The following SPG11 variants were observed in gnomAD, a reference collection of about 807,000 sequenced individuals.
The protein encoded by SPG11 is spatacsin.
SPG11 carries 222 observed loss-of-function variants against 274.0 expected under a neutral mutation model. The observed-to-expected ratio is 0.81, with a 90% CI of 0.73 to 0.91. The LOEUF is 0.91. Ranked by LOEUF, SPG11 falls within the 40% of genes least tolerant of loss-of-function variation. SPG11 has a pLI of 0.00. For synonymous variants in SPG11, 1,144 were observed against 1,039.7 expected, an observed-to-expected ratio of 1.10 and a Z score of -1.93; for missense variants, 3,114 against 2,872.7, an observed-to-expected ratio of 1.08 and a Z score of -1.92.
At chr15:44,646,538 C>T (rs576102319) in intron 7 of SPG11, among the ~76,000 whole-genome samples, 37 of 152,160 alleles carry the variant, frequency 2.4e-4, no homozygotes, top group Admixed American at 2.4e-3. Context: ...TCCCTTGACA[C>T]ATGGGGATTA....
chr15:44,591,337 C>G (rs941515369), intron 27 of SPG11, among the ~76,000 whole-genome samples: 3 of 152,198 alleles, frequency 2.0e-5, no homozygotes, highest in African/African-American at 7.2e-5. Context: ...TATAATACTT[C>G]TATTCTTTTT....
chr15:44,601,863 C>G (rs1471471898), intron 20 of SPG11, among the ~76,000 whole-genome samples: 2 of 151,952 alleles, frequency 1.3e-5, no homozygotes, highest in Non-Finnish European at 2.9e-5. Context: ...CTGTGTCCAG[C>G]CAGCCACCGC....
At chr15:44,601,139 T>C (rs1352017474) in intron 20 of SPG11, among the ~76,000 whole-genome samples, 1 of 151,982 alleles carries the variant, frequency 6.6e-6, no homozygotes, top group Non-Finnish European at 1.5e-5. Context: ...GCAACAAGAG[T>C]GAAACTTCAT....
intron 4 of SPG11, among the ~76,000 whole-genome samples, chr15:44,654,798 T>C (rs551639670): frequency 2.2e-3 from 333 of 151,920 alleles, no homozygotes; most frequent in Non-Finnish European, 4.0e-3. Flanking sequence ...ATTGCACCAT[T>C]GCGCTCCATC....
intron 2 of SPG11, 83 bp downstream of exon 2, chr15:44,660,349 C>T (rs2085067657): frequency 1.2e-5 from 16 of 1,309,966 alleles, no homozygotes; most frequent in Non-Finnish European, 5.5e-6. Context: ...CTGATTTCAC[C>T]TCTATGACTT....
intron 20 of SPG11, among the ~76,000 whole-genome samples, chr15:44,605,294 C>T (rs1311620189): frequency 6.6e-6 from 1 of 152,148 alleles, no homozygotes. Context: ...ATGCATTGGA[C>T]TCTGGGCACG....
In SPG11 at chr15:44,626,458, G is replaced by C; in HGVS notation, c.2117C>G (p.Thr706Ser). ...AGAATGACTATCAATCCTGAAGAAAGTCTGTGCCTCTGGTATTTTGTTGTT... is the reference window on the plus strand; with the variant it reads ...AGAATGACTATCAATCCTGAAGAAACTCTGTGCCTCTGGTATTTTGTTGTT... ...ILNNKIPEAQ[T>S]FFRIDSHSAQ... Residue 706 changes from threonine to serine, a missense_variant, in exon 11 of 40, where the codon ACT (threonine) becomes AGT (serine). Thr to Ser is a moderately conservative substitution (Grantham distance 58, BLOSUM62 1). Transcript: ENST00000261866. 6.2e-7 allele frequency: 1 copy of C among 1,613,998 alleles called. No individual in the cohort carries two copies. Among genetic ancestry groups the C allele is most frequent in the Non-Finnish European group, 8.5e-7 (1 of 1,179,960 alleles).
rs766696581 is a variant in SPG11 at position 44,622,347 on chromosome 15, C to G, written c.2317G>C (p.Val773Leu). The change falls in exon 13 of 40, where the codon GTT becomes CTT. Residue 773 changes from valine to leucine, a missense_variant and splice_region_variant. Physicochemically the swap from Val to Leu is conservative, Grantham distance 32. Coordinates refer to ENST00000261866, the MANE Select transcript of SPG11 (RefSeq NM_025137.4). ...TAATTTTTTTCTTTTAAAATTTCAA[C>G]CTTGAATAAAAAGTAATTAAAGCAG... ...TTNKNIRDFL[V>L]EILKEKNYFS... is the part of the protein sequence containing the mutation. 1.3e-6 allele frequency: 2 copies of G among 1,546,342 alleles called. No homozygotes were observed. The highest frequency in any genetic ancestry group is 1.8e-6 in the Non-Finnish European group (2 of 1,131,112).
At position 44,586,994 on chromosome 15, in the gene SPG11, CCTAA is replaced by C. The variant is rs373512616; in HGVS notation, c.4907-1148_4907-1145del. On this transcript the variant is annotated intron_variant, in intron 28 of 39. Coordinates refer to ENST00000261866, the MANE Select transcript of SPG11 (RefSeq NM_025137.4). ...AATTTATCTACTTAACCCAGGGAGA[CCTAA>C]CTGAGCTCCTCCTGATGTCCCTTGG... Among the ~76,000 whole-genome samples the C allele has an allele frequency of 2.5e-4, 38 of 152,312 alleles. 1 individual carries two copies. The highest frequency in any genetic ancestry group is 8.9e-4 in the African/African-American group (37 of 41,568).
rs756692226 is a variant in SPG11, at chr15:44,584,222, G to A, written c.5458C>T (p.Pro1820Ser). 6.2e-7 allele frequency: 1 copy of A among 1,614,174 alleles called. No homozygotes were observed. The highest frequency in any genetic ancestry group is 8.5e-7 in the Non-Finnish European group (1 of 1,180,034). ...TLGRNQEETE[P>S]RFSRQISTSG... ...GTTGAGATCTGTCGAGAAAATCTGG[G>A]CTCTGTTTCCTCCTGATTTCTTCCA... Residue 1820 changes from proline (P) to serine (S), a missense_variant, in exon 30 of 40, where the codon CCC (proline) becomes TCC (serine). Pro to Ser is a moderately conservative substitution (Grantham distance 74). Transcript: ENST00000261866.
In SPG11 at chr15:44,606,064, A is replaced by T. The variant is rs1403713938; in HGVS notation, c.3481T>A (p.Leu1161Met). 1 of 1,613,700 alleles carries T rather than the reference A, an allele frequency of 6.2e-7. No individual in the cohort carries two copies. The highest frequency in any genetic ancestry group is 1.7e-5 in the Admixed American group (1 of 60,004). ...GTGTTAGCAGACTGCCAGCCAAACA[A>T]TCTGCTAGGATCAAAGGGTGATAAT... Reference protein sequence around the residue: ...QSLSPFDPSRLFGWQSANTLA... With the variant: ...QSLSPFDPSRMFGWQSANTLA... The change falls in exon 20 of 40, where the codon TTG becomes ATG. Residue 1161 changes from leucine (L) to methionine (M), a missense_variant. Transcript: ENST00000261866.
chr15:44,590,534 CCT>C (rs1218669833), intron 27 of SPG11: 1 of 152,128 alleles, frequency 6.6e-6, no homozygotes, highest in Non-Finnish European at 1.5e-5. Flanking sequence ...CCTCTGCCTC[CCT>C]GAGTGCTGGG....
At chr15:44,600,084 T>C (rs2083146311) in intron 21 of SPG11, among the ~76,000 whole-genome samples, 1 of 152,198 alleles carries the variant, frequency 6.6e-6, no homozygotes, top group Non-Finnish European at 1.5e-5. Flanking sequence ...TCAAAACATA[T>C]TTATGTTTTT....
Position 44,599,188 on chromosome 15 carries a change from A to G in SPG11, c.3687-352T>C, listed in dbSNP as rs149544552. ...CGTATACAAACTACGAAGAATATCAATGCCACTTAAATGTAAGTTTGACAT... is the reference window on the plus strand; with the variant it reads ...CGTATACAAACTACGAAGAATATCAGTGCCACTTAAATGTAAGTTTGACAT... On this transcript the variant is annotated intron_variant, in intron 21 of 39. Transcript: ENST00000261866. Among the ~76,000 whole-genome samples, 109 of 152,378 alleles carry G rather than the reference A, an allele frequency of 7.2e-4. 1 individual carries two copies. Among genetic ancestry groups the G allele is most frequent in the Middle Eastern group, 3.4e-3 (1 of 294 alleles).
chr15:44,573,253 G>A (rs1484356025), intron 32 of SPG11: 1 of 565,036 alleles, frequency 1.8e-6, no homozygotes. Context: ...CCAAAGTGCT[G>A]GGATTACAGG....
chr15:44,663,655 C>T lies in SPG11; in HGVS notation c.-8G>A, dbSNP rs571475139. 3.1e-6 allele frequency: 5 copies of T among 1,589,252 alleles called. No individual in the cohort carries two copies. The highest frequency in any genetic ancestry group is 4.3e-6 in the Non-Finnish European group (5 of 1,174,330). On this transcript the variant is annotated 5_prime_UTR_variant, in exon 1 of 40. Coordinates refer to ENST00000261866, the MANE Select transcript of SPG11 (RefSeq NM_025137.4). ...CCCTTCCTCTGCAGCCATCTTGGCC[C>T]GGCGGTTACTTCCGGTCACTTTCGC...
intron 14 of SPG11, 196 bp from the exon 15 acceptor site, chr15:44,620,599 T>C: frequency 1.8e-6 from 1 of 545,024 alleles, no homozygotes; most frequent in South Asian, 2.2e-5. Context: ...TGGAGTGCAG[T>C]GGTGCACTCG....
intron 24 of SPG11, 147 bp downstream of exon 24, chr15:44,596,637 A>G (rs2083046801): frequency 1.4e-6 from 1 of 702,808 alleles, no homozygotes; most frequent in Non-Finnish European, 2.2e-6. Flanking sequence ...ACAAAAGCCC[A>G]TGTATCCAGT....
Position 44,564,642 on chromosome 15 carries a change from G to C in SPG11, c.7056C>G (p.Tyr2352Ter). ...DFVPDWAEIL[Y>*]QQVILKGDFN... ...AGTCTCCTTTAAGAATCACTTGCTG[G>C]TATAAAATTTCAGCCCAATCTGGAA... Residue 2352 changes from tyrosine (Y) to a stop codon, truncating the protein, a stop_gained, in exon 39 of 40, where the codon TAC (tyrosine) becomes TAG (stop). Coordinates refer to ENST00000261866, the MANE Select transcript of SPG11 (RefSeq NM_025137.4). LOFTEE classifies it high-confidence loss of function. 1 of 1,613,910 alleles carries C rather than the reference G, an allele frequency of 6.2e-7. No individual in the cohort carries two copies. The highest frequency in any genetic ancestry group is 8.5e-7 in the Non-Finnish European group (1 of 1,179,856).
Sources: allele counts gnomAD v4.1 joint callset (sites outside exome capture counted in the v4.1 genomes callset), GRCh38; gene constraint gnomAD v4.1.1; transcripts MANE v1.5; gene names NCBI Gene and HGNC (gene_info 2026-07-23, HGNC 2026-07-21).